MTHFD2: variants seen among roughly 807,000 people sequenced by gnomAD.
MTHFD2 encodes the protein bifunctional methylenetetrahydrofolate dehydrogenase/cyclohydrolase, mitochondrial.
In MTHFD2, 26 loss-of-function variants were observed where a neutral mutation model predicts 36.8. That is an observed-to-expected ratio of 0.71 (90% CI 0.52 to 0.98). The LOEUF (loss-of-function observed/expected upper bound fraction) is 0.98, where lower values mean the gene tolerates loss of function less well. MTHFD2 is among the 50% of genes least tolerant of loss of function. MTHFD2 has a pLI of 0.00. For synonymous variants in MTHFD2, 164 were observed against 155.2 expected, an observed-to-expected ratio of 1.06 and a Z score of -0.42; for missense variants, 373 against 434.0, an observed-to-expected ratio of 0.86 and a Z score of 1.25.
At chr2:74,212,954 TAGTGC>T (rs1230189391) in intron 7 of MTHFD2, among the ~76,000 whole-genome samples, 7 of 151,326 alleles carry the variant, frequency 4.6e-5, no homozygotes, top group African/African-American at 1.7e-4. Context: ...GCCCAGGCTG[TAGTGC>T]AGTGGTGTGA....
chr2:74,202,188 T>C (rs1475385953), intron 1 of MTHFD2, among the ~76,000 whole-genome samples: 1 of 152,266 alleles, frequency 6.6e-6, no homozygotes, highest in East Asian at 1.9e-4. Context: ...ATAGTGTATA[T>C]ACTTATATAT....
At chr2:74,208,455 T>C in intron 3 of MTHFD2, 114 bp from the exon 4 acceptor site, 2 of 1,243,320 alleles carry the variant, frequency 1.6e-6, no homozygotes, top group Non-Finnish European at 2.3e-6. Flanking sequence ...ATGAAGTACA[T>C]CTCAGAGGCA....
At chr2:74,210,081 T>G in intron 5 of MTHFD2, 32 bp downstream of exon 5, 1 of 1,555,084 alleles carries the variant, frequency 6.4e-7, no homozygotes, top group South Asian at 1.1e-5. Flanking sequence ...AACACTGTCC[T>G]TTTTTCCCCA....
chr2:74,213,270 CTTTTTT>C (rs10638050), intron 7 of MTHFD2, among the ~76,000 whole-genome samples: 4 of 76,032 alleles, frequency 5.3e-5, no homozygotes, highest in Admixed American at 1.9e-4. Context: ...TTTTTCTTTC[CTTTTTT>C]TTTTTTTTTT....
chr2:74,208,109 G>A (rs928265620), intron 3 of MTHFD2, among the ~76,000 whole-genome samples: 2 of 152,096 alleles, frequency 1.3e-5, no homozygotes, highest in Non-Finnish European at 2.9e-5. Context: ...AAGTCTGTCT[G>A]TGTTGCCTGG....
chr2:74,205,572 G>T, intron 1 of MTHFD2, 133 bp from the exon 2 acceptor site: 1 of 886,832 alleles, frequency 1.1e-6, no homozygotes, highest in Middle Eastern at 3.7e-4. Context: ...TCAAACTCCT[G>T]GGCTCAAGCC....
At position 74,207,673 on chromosome 2, in the gene MTHFD2, A is replaced by T. The variant is rs769034178; in HGVS notation, c.287-31A>T. The T allele has an allele frequency of 2.5e-6, 4 of 1,581,304 alleles. No individual in the cohort carries two copies. The South Asian group carries it at 4.5e-5, about 18-fold the overall frequency. On this transcript the variant is annotated intron_variant, in intron 2 of 7. Coordinates refer to ENST00000394053, the MANE Select transcript of MTHFD2 (RefSeq NM_006636.4). Reference sequence around the variant, plus strand: ...GCAGTGCTCATTAAATGCCTCAAAAATTTTTTTAACCTCAAAATTTCTTAT... The same window carrying T: ...GCAGTGCTCATTAAATGCCTCAAAATTTTTTTTAACCTCAAAATTTCTTAT...
At position 74,203,890 on chromosome 2, in the gene MTHFD2, A is replaced by AGTTTAGTTTAG. The variant is rs1471788503; in HGVS notation, c.102-1814_102-1804dup. Among the ~76,000 whole-genome samples the AGTTTAGTTTAG allele has an allele frequency of 2.4e-4, 7 of 29,222 alleles. No homozygotes were observed. The South Asian group carries it at 2.7e-3, about 11-fold the overall frequency. 19.2% of individuals were successfully genotyped at this position (29,222 alleles called of 152,430 possible). A position where few individuals can be genotyped will look rare whatever the true frequency, so the allele number is the denominator to read the frequency against. On this transcript the variant is annotated intron_variant, in intron 1 of 7. Coordinates refer to ENST00000394053, the MANE Select transcript of MTHFD2 (RefSeq NM_006636.4). ...AGTTTAGTTTAGTTTAGTTTAGTTT[A>AGTTTAGTTTAG]GTTTAGTTTAGTTTAGTTAGTTTAG... is the stretch of plus-strand genomic sequence containing the variant.
At chr2:74,211,564 C>A (rs1321904606) in intron 6 of MTHFD2, 177 bp from the exon 7 acceptor site, 11 of 567,346 alleles carry the variant, frequency 1.9e-5, no homozygotes, top group Non-Finnish European at 3.0e-5. Flanking sequence ...TGTTTCCTGT[C>A]AGGAGCCAAA....
Position 74,198,618 on chromosome 2 carries a change from C to T in MTHFD2, c.-24C>T, listed in dbSNP as rs749479361. Reference sequence around the variant, plus strand: ...CGTGGCCCGCGCGCGCGCTTCCCTCCCGGCGCAGTCACCGGCGCGGTCTAT... The same window carrying T: ...CGTGGCCCGCGCGCGCGCTTCCCTCTCGGCGCAGTCACCGGCGCGGTCTAT... On this transcript the variant is annotated 5_prime_UTR_variant, in exon 1 of 8. Transcript: ENST00000394053. The T allele has an allele frequency of 5.1e-6, 8 of 1,582,690 alleles. No individual in the cohort carries two copies. The highest frequency in any genetic ancestry group is 4.6e-5 in the South Asian group (4 of 87,742).
chr2:74,198,836 C>T, intron 1 of MTHFD2, 94 bp downstream of exon 1: 1 of 1,190,710 alleles, frequency 8.4e-7, no homozygotes, highest in Non-Finnish European at 1.2e-6. Flanking sequence ...GAGGGAAGTC[C>T]TTCCCGAACA....
rs1296604428 is a variant in MTHFD2 at position 74,209,972 on chromosome 2, T to G, written c.593T>G (p.Val198Gly). ...GIPTLGKNVV[V>G]AGRSKNVGMP... ...CCAACCCTAGGGAAGAATGTGGTTG[T>G]GGCTGGAAGGTCAAAAAACGTTGGA... The change falls in exon 5 of 8, where the codon GTG becomes GGG. Residue 198 changes from valine (V) to glycine (G), a missense_variant. Transcript: ENST00000394053. 1 of 1,613,396 alleles carries G rather than the reference T, an allele frequency of 6.2e-7. No homozygotes were observed. The highest frequency in any genetic ancestry group is 1.3e-5 in the African/African-American group (1 of 74,894).
chr2:74,211,164 G>A (rs1309787112), intron 5 of MTHFD2, 35 bp from the exon 6 acceptor site: 21 of 1,369,488 alleles, frequency 1.5e-5, no homozygotes, highest in Non-Finnish European at 2.1e-5. Context: ...CCAGCTTTGT[G>A]TCAGAAATCA....
In MTHFD2 at chr2:74,198,627, T is replaced by C; in HGVS notation, c.-15T>C. 1 of 1,592,336 alleles carries C rather than the reference T, an allele frequency of 6.3e-7. No individual in the cohort carries two copies. Among genetic ancestry groups the C allele is most frequent in the South Asian group, 1.1e-5 (1 of 88,780 alleles). On this transcript the variant is annotated 5_prime_UTR_variant, in exon 1 of 8. Coordinates refer to ENST00000394053, the MANE Select transcript of MTHFD2 (RefSeq NM_006636.4). ...CGCGCGCGCTTCCCTCCCGGCGCAG[T>C]CACCGGCGCGGTCTATGGCTGCGAC... is the stretch of plus-strand genomic sequence containing the variant.
Position 74,207,781 on chromosome 2 carries a change from A to G in MTHFD2, c.364A>G (p.Asn122Asp). 2 of 1,605,592 alleles carry G rather than the reference A, an allele frequency of 1.2e-6. No homozygotes were observed. The highest frequency in any genetic ancestry group is 1.7e-6 in the Non-Finnish European group (2 of 1,173,300). Residue 122 changes from asparagine to aspartate, a missense_variant, in exon 3 of 8, where the codon AAT becomes GAT. By Grantham distance (23) the Asn-to-Asp change is conservative. This residue lies in a region of MTHFD2 where 308 missense variants were observed against 397.8 expected (regional missense o/e 0.77). Coordinates refer to ENST00000394053, the MANE Select transcript of MTHFD2 (RefSeq NM_006636.4). ...GTTGAATTTAATCAATAAACTGAATAATGATGATAATGTAGATGGCCTCCT... is the reference window on the plus strand; with the variant it reads ...GTTGAATTTAATCAATAAACTGAATGATGATGATAATGTAGATGGCCTCCT... ...ELLNLINKLN[N>D]DDNVDGLLVQ... is the part of the protein sequence containing the mutation.
At position 74,205,686 on chromosome 2, in the gene MTHFD2, A is replaced by T. The variant is rs1694159240; in HGVS notation, c.102-19A>T. ...AAAATTCAAGTTATTTGGTTTTGTG[A>T]CTCTGTTGCCTTCTGCAGAAATGAA... On this transcript the variant is annotated intron_variant, in intron 1 of 7. Transcript: ENST00000394053. 6.8e-6 allele frequency: 11 copies of T among 1,610,910 alleles called. No individual in the cohort carries two copies. The highest frequency in any genetic ancestry group is 1.7e-5 in the Admixed American group (1 of 59,518).
In MTHFD2 at chr2:74,207,686, C is replaced by CAA; in HGVS notation, c.287-15_287-14dup. On this transcript the variant is annotated splice_polypyrimidine_tract_variant and intron_variant, in intron 2 of 7. Coordinates refer to ENST00000394053, the MANE Select transcript of MTHFD2 (RefSeq NM_006636.4). ...AATGCCTCAAAAATTTTTTTAACCT[C>CAA]AAAATTTCTTATAATAGGAATCAAC... 1 of 1,588,324 alleles carries CAA rather than the reference C, an allele frequency of 6.3e-7. No homozygotes were observed. The highest frequency in any genetic ancestry group is 1.1e-5 in the South Asian group (1 of 89,142).
At chr2:74,201,393 C>T (rs560177504) in intron 1 of MTHFD2, among the ~76,000 whole-genome samples, 2 of 151,566 alleles carry the variant, frequency 1.3e-5, no homozygotes, top group Admixed American at 6.6e-5. Context: ...GGAATCTCTC[C>T]CTAGGTCAGG....
rs759799747 is a variant in MTHFD2 at position 74,211,260 on chromosome 2, A to G, written c.732A>G (p.Thr244=). The G allele has an allele frequency of 1.9e-6, 3 of 1,608,114 alleles. No individual in the cohort carries two copies. The highest frequency in any genetic ancestry group is 2.2e-5 in the South Asian group (2 of 90,692). ...CCAAAGAGCAGTTGAAGAAACATACAATTCTTGCAGATATTGTAATATCTG... is the reference window on the plus strand; with the variant it reads ...CCAAAGAGCAGTTGAAGAAACATACGATTCTTGCAGATATTGTAATATCTG... The part of the protein sequence containing the change: ...YTPKEQLKKH[T]ILADIVISAA... Residue 244 remains threonine, a synonymous_variant, in exon 6 of 8, where the codon ACA becomes ACG. Coordinates refer to ENST00000394053, the MANE Select transcript of MTHFD2 (RefSeq NM_006636.4).
Sources: gnomAD v4.1 joint callset for allele counts (sites outside exome capture counted in the v4.1 genomes callset) on GRCh38, gnomAD v4.1.1 for gene constraint, gnomAD v4.1.1 regional missense constraint, MANE v1.5 for transcripts, NCBI Gene and HGNC (gene_info 2026-07-23, HGNC 2026-07-21) for gene names.